Variants in CHRM3 observed in about 807,000 individuals in gnomAD.
CHRM3 encodes the protein cholinergic receptor muscarinic 3.
Under a neutral mutation model 41.8 loss-of-function variants are expected in CHRM3, and 11 were observed. That is an observed-to-expected ratio of 0.26 (90% CI 0.17 to 0.44). The LOEUF (loss-of-function observed/expected upper bound fraction) is 0.44, where lower values mean the gene tolerates loss of function less well. Among genes scored for constraint, CHRM3 ranks in the 20% least tolerant of loss-of-function variants. CHRM3 has a pLI of 1.00. For synonymous variants in CHRM3, 297 were observed against 301.4 expected (o/e 0.99, Z 0.15); for missense variants, 571 against 745.4 (o/e 0.77, Z 2.72).
At chr1:239,869,011 T>C (rs1676351826) in intron 6 of CHRM3, among the ~76,000 whole-genome samples, 1 of 152,160 alleles carries the variant, frequency 6.6e-6, no homozygotes, top group Admixed American at 6.5e-5. Context: ...CAGTGAATAC[T>C]GGGAGTGTAC....
chr1:239,776,283 A>G (rs1668076280), intron 5 of CHRM3, among the ~76,000 whole-genome samples: 1 of 152,212 alleles, frequency 6.6e-6, no homozygotes, highest in Admixed American at 6.5e-5. Context: ...GGATAATAAT[A>G]CAATAAGTGC....
intron 4 of CHRM3, among the ~76,000 whole-genome samples, chr1:239,669,185 T>C (rs895688277): frequency 8.5e-5 from 13 of 152,172 alleles, no homozygotes; most frequent in African/African-American, 2.9e-4. Flanking sequence ...TCCCCGAAGT[T>C]AGGCGAGATT....
chr1:239,754,477 G>T (rs188346220), intron 5 of CHRM3, among the ~76,000 whole-genome samples: 1 of 152,160 alleles, frequency 6.6e-6, no homozygotes, highest in South Asian at 2.1e-4. Context: ...GAATATTTTT[G>T]GTTCTCCCAA....
intron 1 of CHRM3, among the ~76,000 whole-genome samples, chr1:239,395,065 T>G (rs1294831526): frequency 6.6e-6 from 1 of 152,208 alleles, no homozygotes; most frequent in Non-Finnish European, 1.5e-5. Context: ...CTGTCCTGGT[T>G]AATCTCTTAG....
chr1:239,688,437 A>G (rs925819686), intron 5 of CHRM3, among the ~76,000 whole-genome samples: 2 of 142,852 alleles, frequency 1.4e-5, no homozygotes, highest in African/African-American at 5.1e-5. Context: ...ATATATTTAC[A>G]TATCATATTT....
At chr1:239,548,583 G>A (rs777758015) in intron 3 of CHRM3, among the ~76,000 whole-genome samples, 1 of 152,184 alleles carries the variant, frequency 6.6e-6, no homozygotes, top group African/African-American at 2.4e-5. Context: ...CCCCTGATGA[G>A]GACAGTAGTG....
chr1:239,833,835 T>C (rs1180862383), intron 6 of CHRM3, among the ~76,000 whole-genome samples: 2 of 152,198 alleles, frequency 1.3e-5, no homozygotes, highest in Non-Finnish European at 2.9e-5. Flanking sequence ...GCTACCTTTA[T>C]ACCACACTCC....
At chr1:239,539,777 G>A (rs569025538) in intron 2 of CHRM3, among the ~76,000 whole-genome samples, 1 of 99,724 alleles carries the variant, frequency 1.0e-5, no homozygotes, top group African/African-American at 2.5e-5. Context: ...ACCATGCCCG[G>A]CTAATTTTGG....
Position 239,679,290 on chromosome 1 carries a change from G to A in CHRM3, c.-147+1002G>A, listed in dbSNP as rs1658327922. Among the ~76,000 whole-genome samples the A allele has an allele frequency of 2.0e-5, 3 of 152,088 alleles. No individual in the cohort carries two copies. The South Asian group carries it at 6.2e-4, about 31-fold the overall frequency. ...AGGAAAACTACATAACAACTCACCT[G>A]CCTCTGCCTCCTCCCCTGCCCCCAT... On this transcript the variant is annotated intron_variant, in intron 5 of 6. Transcript: ENST00000676153.
intron 1 of CHRM3, among the ~76,000 whole-genome samples, chr1:239,427,168 TA>T (rs1335176947): frequency 6.6e-6 from 1 of 152,168 alleles, no homozygotes; most frequent in East Asian, 1.9e-4. Flanking sequence ...TGAGTGAGAA[TA>T]AGAGGGAGTG....
intron 5 of CHRM3, among the ~76,000 whole-genome samples, chr1:239,726,093 T>C (rs989762588): frequency 1.3e-5 from 2 of 151,958 alleles, no homozygotes; most frequent in Non-Finnish European, 2.9e-5. Context: ...CTATGACTGC[T>C]TGTGCACTAC....
At chr1:239,574,619 A>G (rs72756776) in intron 3 of CHRM3, among the ~76,000 whole-genome samples, 164 of 152,062 alleles carry the variant, frequency 1.1e-3, no homozygotes, top group Non-Finnish European at 2.0e-3. Flanking sequence ...TTGCCTTATC[A>G]CTTATCAGTT....
intron 5 of CHRM3, among the ~76,000 whole-genome samples, chr1:239,736,361 G>A: frequency 6.6e-6 from 1 of 151,712 alleles, no homozygotes; most frequent in Non-Finnish European, 1.5e-5. Flanking sequence ...AAAAAACAAG[G>A]TGTAGTTAAA....
chr1:239,775,095 C>T (rs1191957087), intron 5 of CHRM3, among the ~76,000 whole-genome samples: 1 of 151,898 alleles, frequency 6.6e-6, no homozygotes, highest in Non-Finnish European at 1.5e-5. Context: ...GATATTTTTC[C>T]ATGTTCTGAT....
intron 1 of CHRM3, among the ~76,000 whole-genome samples, chr1:239,450,163 C>T (rs566123113): frequency 8.5e-5 from 13 of 152,222 alleles, no homozygotes; most frequent in African/African-American, 3.1e-4. Flanking sequence ...TGAAGTTTTC[C>T]TCCAAAGCAT....
At chr1:239,517,516 C>CA (rs1669350479) in intron 2 of CHRM3, among the ~76,000 whole-genome samples, 1 of 152,176 alleles carries the variant, frequency 6.6e-6, no homozygotes. Context: ...AATTTATCAT[C>CA]AACGTAATAT....
intron 3 of CHRM3, among the ~76,000 whole-genome samples, chr1:239,601,707 G>A (rs1364924406): frequency 6.6e-6 from 1 of 152,110 alleles, no homozygotes; most frequent in Non-Finnish European, 1.5e-5. Flanking sequence ...TATAATAAGT[G>A]CTCAACAAAC....
chr1:239,515,014 T>C (rs1669163313), intron 2 of CHRM3, among the ~76,000 whole-genome samples: 1 of 152,158 alleles, frequency 6.6e-6, no homozygotes, highest in African/African-American at 2.4e-5. Context: ...AACTCACACA[T>C]TTTTGTCAGC....
chr1:239,724,431 A>C (rs919439679), intron 5 of CHRM3, among the ~76,000 whole-genome samples: 1 of 151,948 alleles, frequency 6.6e-6, no homozygotes, highest in Admixed American at 6.6e-5. Context: ...TTTTAGAATT[A>C]TGAGTTAATA....
Sources: allele counts gnomAD v4.1 joint callset (sites outside exome capture counted in the v4.1 genomes callset), GRCh38; gene constraint gnomAD v4.1.1; transcripts MANE v1.5; gene names NCBI Gene and HGNC (gene_info 2026-07-23, HGNC 2026-07-21).